GMEB2: variants seen among roughly 807,000 people sequenced by gnomAD.
The protein encoded by GMEB2 is glucocorticoid modulatory element binding protein 2, also known as glucocorticoid modulatory element-binding protein 2.
A neutral mutation model predicts 45.7 loss-of-function variants in GMEB2; 7 were observed. That is an observed-to-expected ratio of 0.15 (90% CI 0.09 to 0.29). The LOEUF is 0.29. GMEB2 is among the 10% of genes least tolerant of loss of function. The pLI, the probability that GMEB2 is intolerant of heterozygous loss-of-function variation, is 1.00. For synonymous variants in GMEB2, 322 were observed against 323.6 expected, an observed-to-expected ratio of 1.00 and a Z score of 0.05; for missense variants, 582 against 739.2, an observed-to-expected ratio of 0.79 and a Z score of 2.47.
intron 3 of GMEB2, 25 bp downstream of exon 3, chr20:63,604,717 AC>A (rs2089504638): frequency 1.5e-6 from 2 of 1,321,240 alleles, no homozygotes; most frequent in South Asian, 2.3e-5. Context: ...AAGAAGGCAG[AC>A]TTCCCACCTA....
Position 63,588,529 on chromosome 20 carries a change from AAATGT to A in GMEB2, c.*1555_*1559del. Reference sequence around the variant, plus strand: ...AGCTGACTGTGACAACAGCAAACAAAAATGTAACAGAGAAAACAAACAAGACACAG... The same window carrying A: ...AGCTGACTGTGACAACAGCAAACAAAAACAGAGAAAACAAACAAGACACAG... On this transcript the variant is annotated 3_prime_UTR_variant, in exon 10 of 10. Transcript: ENST00000370077. 2.5e-6 allele frequency: 1 copy of A among 392,868 alleles called. No homozygotes were observed. The highest frequency in any genetic ancestry group is 4.5e-6 in the Non-Finnish European group (1 of 222,826). 24.3% of individuals were successfully genotyped at this position (392,868 alleles called of 1,614,324 possible).
At chr20:63,616,287 T>C (rs1182128590) in intron 2 of GMEB2, among the ~76,000 whole-genome samples, 5 of 151,868 alleles carry the variant, frequency 3.3e-5, no homozygotes, top group Non-Finnish European at 4.4e-5. Context: ...CTACTAAATA[T>C]ACAAAAATGA....
chr20:63,623,209 T>A (rs1224452137), intron 1 of GMEB2, among the ~76,000 whole-genome samples: 1 of 152,140 alleles, frequency 6.6e-6, no homozygotes, highest in Admixed American at 6.6e-5. Context: ...TCCTGGAACA[T>A]GATGAGCCGT....
At chr20:63,608,799 C>CA (rs201656760) in intron 2 of GMEB2, among the ~76,000 whole-genome samples, 1 of 23,520 alleles carries the variant, frequency 4.3e-5, no homozygotes, top group Non-Finnish European at 1.7e-4. Flanking sequence ...CCCTCTGACC[C>CA]CACCTCCATT....
intron 2 of GMEB2, among the ~76,000 whole-genome samples, chr20:63,611,506 G>C (rs1237499736): frequency 6.6e-6 from 1 of 151,744 alleles, no homozygotes; most frequent in Non-Finnish European, 1.5e-5. Context: ...CTGCTATTCA[G>C]GAGGCTGAGG....
At chr20:63,617,327 T>C (rs1277461302) in intron 2 of GMEB2, among the ~76,000 whole-genome samples, 1 of 152,004 alleles carries the variant, frequency 6.6e-6, no homozygotes, top group African/African-American at 2.4e-5. Context: ...TCTCCCTCCC[T>C]CTCCATCATG....
chr20:63,623,172 A>G (rs1425616079), intron 1 of GMEB2, among the ~76,000 whole-genome samples: 1 of 152,150 alleles, frequency 6.6e-6, no homozygotes, highest in Non-Finnish European at 1.5e-5. Flanking sequence ...TTAAATGAGG[A>G]AAAAAAATTT....
chr20:63,603,372 C>T (rs985109592), intron 3 of GMEB2, among the ~76,000 whole-genome samples: 4 of 152,184 alleles, frequency 2.6e-5, no homozygotes, highest in Admixed American at 2.0e-4. Flanking sequence ...TAAAATCAAA[C>T]TTTAATTGAA....
At chr20:63,623,676 T>C (rs2089652990) in intron 1 of GMEB2, among the ~76,000 whole-genome samples, 1 of 151,996 alleles carries the variant, frequency 6.6e-6, no homozygotes, top group Non-Finnish European at 1.5e-5. Context: ...CAGGTGCCTG[T>C]AATCTCAGCT....
At chr20:63,615,852 T>C (rs1215128970) in intron 2 of GMEB2, among the ~76,000 whole-genome samples, 1 of 152,164 alleles carries the variant, frequency 6.6e-6, no homozygotes, top group Non-Finnish European at 1.5e-5. Context: ...CCTGGGGTGC[T>C]TTTCAACATG....
chr20:63,620,482 G>A (rs1010548430), intron 1 of GMEB2, among the ~76,000 whole-genome samples: 1 of 152,222 alleles, frequency 6.6e-6, no homozygotes, highest in African/African-American at 2.4e-5. Context: ...GACAAGAGGA[G>A]AGGGGAGAAG....
intron 1 of GMEB2, among the ~76,000 whole-genome samples, chr20:63,623,837 T>A (rs57389015): frequency 6.7e-6 from 1 of 148,894 alleles, no homozygotes; most frequent in African/African-American, 2.5e-5. Context: ...TCAGGCCAGG[T>A]GTGGTGGCTC....
At chr20:63,605,538 A>G (rs1250543927) in intron 2 of GMEB2, among the ~76,000 whole-genome samples, 1 of 151,046 alleles carries the variant, frequency 6.6e-6, no homozygotes, top group Non-Finnish European at 1.5e-5. Flanking sequence ...AAAAAAAAAA[A>G]AAAAAAGAAA....
chr20:63,590,406 G>A lies in GMEB2; in HGVS notation c.1276C>T (p.Pro426Ser). The A allele has an allele frequency of 6.3e-7, 1 of 1,576,768 alleles. No individual in the cohort carries two copies. The highest frequency in any genetic ancestry group is 1.1e-5 in the South Asian group (1 of 88,668). Residue 426 changes from proline (P) to serine (S), a missense_variant, in exon 10 of 10, where the codon CCG (proline) becomes TCG (serine). Physicochemically the swap from Pro to Ser is moderately conservative, Grantham distance 74. Around this residue, in one of 3 missense-constraint regions of GMEB2, gnomAD observed 462 missense variants for 586.7 expected, o/e 0.79. Coordinates refer to ENST00000370077, the MANE Select transcript of GMEB2 (RefSeq NM_012384.5). ...AAGACTGTGTATCCCCCGAGCAGCG[G>A]GGAGGCCGGGGAGCTGGCGGGGGGC... Reference protein sequence around the residue: ...QAPPASSPASPLLGGYTVLAS... With the variant: ...QAPPASSPASSLLGGYTVLAS...
rs981055401 is a variant in GMEB2, at chr20:63,590,338, G to C, written c.1344C>G (p.His448Gln). Residue 448 changes from histidine to glutamine, a missense_variant, in exon 10 of 10, where the codon CAC becomes CAG. This residue lies in a region of GMEB2 where 462 missense variants were observed against 586.7 expected (regional missense o/e 0.79). Coordinates refer to ENST00000370077, the MANE Select transcript of GMEB2 (RefSeq NM_012384.5). ...GSTYPSTVEIHPDASSLTVLS... is the reference protein window; with the variant it reads ...GSTYPSTVEIQPDASSLTVLS... ...GGACCGTGAGGCTGGACGCGTCCGG[G>C]TGGATCTCCACTGTGCTGGGGTAGG... 1 of 1,612,020 alleles carries C rather than the reference G, an allele frequency of 6.2e-7. No homozygotes were observed. The highest frequency in any genetic ancestry group is 8.5e-7 in the Non-Finnish European group (1 of 1,179,478).
At chr20:63,607,291 G>A (rs2089528440) in intron 2 of GMEB2, among the ~76,000 whole-genome samples, 3 of 115,020 alleles carry the variant, frequency 2.6e-5, no homozygotes, top group African/African-American at 1.1e-4. Flanking sequence ...CTAGAAACAT[G>A]CCCCTCTGAC....
In GMEB2 at chr20:63,603,072, C is replaced by T. The variant is rs755280848; in HGVS notation, c.250G>A (p.Glu84Lys). 6.2e-7 allele frequency: 1 copy of T among 1,614,042 alleles called. No individual in the cohort carries two copies. Among genetic ancestry groups the T allele is most frequent in the East Asian group, 2.2e-5 (1 of 44,878 alleles). The stretch of plus-strand genomic sequence containing the variant: ...TACACAATCTCAGCTTCCAGGTTCT[C>T]CCCCTCTTCAGCCATCTTCACTTCT... Reference protein sequence around the residue: ...AVLVKMAEEGENLEAEIVYPI... With the variant: ...AVLVKMAEEGKNLEAEIVYPI... The change falls in exon 4 of 10, where the codon GAG (glutamate) becomes AAG (lysine). Residue 84 changes from glutamate to lysine, a missense_variant. By Grantham distance (56) the Glu-to-Lys change is moderately conservative. Transcript: ENST00000370077.
At chr20:63,597,139 C>T (rs928481979) in intron 5 of GMEB2, among the ~76,000 whole-genome samples, 5 of 150,464 alleles carry the variant, frequency 3.3e-5, no homozygotes, top group African/African-American at 1.2e-4. Context: ...TTGGAACAGA[C>T]CCTTTTCTTT....
At chr20:63,622,314 C>T (rs1285326923) in intron 1 of GMEB2, among the ~76,000 whole-genome samples, 1 of 152,204 alleles carries the variant, frequency 6.6e-6, no homozygotes, top group Non-Finnish European at 1.5e-5. Context: ...GAGTCTGGCC[C>T]TGCACTCACT....
Sources: gnomAD v4.1 joint callset for allele counts (sites outside exome capture counted in the v4.1 genomes callset) on GRCh38, gnomAD v4.1.1 for gene constraint, gnomAD v4.1.1 regional missense constraint, MANE v1.5 for transcripts, NCBI Gene and HGNC (gene_info 2026-07-23, HGNC 2026-07-21) for gene names.